Variants in PIGG observed in about 807,000 individuals in gnomAD.
PIGG encodes the protein GPI ethanolamine phosphate transferase 2, catalytic subunit.
In PIGG, 70 loss-of-function variants were observed where a neutral mutation model predicts 83.2. The ratio of observed to expected loss-of-function variants is 0.84; its 90% CI spans 0.69 to 1.03. The LOEUF is 1.03. Among genes scored for constraint, PIGG ranks in the 50% least tolerant of loss-of-function variants. The probability of loss-of-function intolerance (pLI) is 0.00; values close to 1 mark genes in which losing one functional copy is unlikely to be tolerated. For missense variants in PIGG, 1,257 were observed against 1,233.6 expected, an observed-to-expected ratio of 1.02 and a Z score of -0.28; for synonymous variants, 532 against 519.5, an observed-to-expected ratio of 1.02 and a Z score of -0.33.
chr4:505,955 C>G, intron 3 of PIGG, 28 bp downstream of exon 3: 1 of 1,436,158 alleles, frequency 7.0e-7, no homozygotes. Context: ...GAAAATATAT[C>G]ATACTAGAAT....
At chr4:518,984 T>C (rs557726103) in intron 6 of PIGG, among the ~76,000 whole-genome samples, 13 of 152,192 alleles carry the variant, frequency 8.5e-5, no homozygotes, top group Non-Finnish European at 1.8e-4. Flanking sequence ...TTGCACATGC[T>C]GTTCCCATCA....
At chr4:514,229 T>C (rs1723136436) in intron 5 of PIGG, among the ~76,000 whole-genome samples, 1 of 152,242 alleles carries the variant, frequency 6.6e-6, no homozygotes, top group Non-Finnish European at 1.5e-5. Context: ...AGCAGACCTC[T>C]AAAAGGTACG....
rs200555321 is a variant in PIGG, at chr4:505,938, A to C, written c.570+11A>C. The stretch of plus-strand genomic sequence containing the variant: ...TCAGATTACACAGAGGTCAGTTTTT[A>C]AAATAAGAAAATATATCATACTAGA... On this transcript the variant is annotated intron_variant, in intron 3 of 12. Coordinates refer to ENST00000453061, the MANE Select transcript of PIGG (RefSeq NM_001127178.3). 40 of 1,543,542 alleles carry C rather than the reference A, an allele frequency of 2.6e-5. No individual in the cohort carries two copies. The highest frequency in any genetic ancestry group is 3.4e-5 in the Non-Finnish European group (38 of 1,117,676).
intron 1 of PIGG, chr4:499,765 C>T (rs1265036585): frequency 7.7e-7 from 1 of 1,298,872 alleles, no homozygotes; most frequent in African/African-American, 1.5e-5. Context: ...CTCTCCACTT[C>T]TACTCGTCCA....
rs138876025 is a variant in PIGG at position 527,123 on chromosome 4, T to C, written c.2154T>C (p.Pro718=). ...TGCTGGTGCAGAGGGGGTGCTCCCC[T>C]GTGTCCAAGGCTGCCCTGGCGCTGG... ...VFVLVQRGCS[P]VSKAALALGL... The change falls in exon 10 of 13, where the codon CCT becomes CCC. Residue 718 remains proline, a synonymous_variant. Coordinates refer to ENST00000453061, the MANE Select transcript of PIGG (RefSeq NM_001127178.3). 1.5e-5 allele frequency: 25 copies of C among 1,614,064 alleles called. No homozygotes were observed. Among genetic ancestry groups the C allele is most frequent in the African/African-American group, 2.7e-5 (2 of 74,914 alleles).
intron 2 of PIGG, among the ~76,000 whole-genome samples, chr4:504,611 A>G (rs1718947466): frequency 6.6e-6 from 1 of 152,048 alleles, no homozygotes; most frequent in African/African-American, 2.4e-5. Flanking sequence ...GATAATTCAT[A>G]CTTGCATTTA....
intron 6 of PIGG, among the ~76,000 whole-genome samples, chr4:519,866 G>A (rs1725215270): frequency 1.1e-5 from 1 of 93,814 alleles, no homozygotes; most frequent in Non-Finnish European, 2.1e-5. Flanking sequence ...AGTGGGGTGG[G>A]CCTGCAGGCG....
At chr4:509,509 C>G (rs1277670180) in intron 5 of PIGG, among the ~76,000 whole-genome samples, 1 of 152,194 alleles carries the variant, frequency 6.6e-6, no homozygotes, top group South Asian at 2.1e-4. Context: ...GTCCTGTCGG[C>G]GGCTGCCTTC....
intron 7 of PIGG, 23 bp from the exon 8 acceptor site, chr4:521,637 A>T: frequency 6.2e-7 from 1 of 1,609,578 alleles, no homozygotes; most frequent in Non-Finnish European, 8.5e-7. Context: ...CAGTCTGTGG[A>T]TGCTGCTGTT....
intron 2 of PIGG, among the ~76,000 whole-genome samples, chr4:502,694 G>A (rs564191607): frequency 1.7e-4 from 26 of 152,184 alleles, no homozygotes; most frequent in Middle Eastern, 3.4e-3. Flanking sequence ...CTGTCTGCAC[G>A]CTTTCTGGGA....
At chr4:519,389 T>C (rs4504200) in intron 6 of PIGG, among the ~76,000 whole-genome samples, 26,977 of 152,128 alleles carry the variant, frequency 0.18, 3,079 homozygotes, top group African/African-American at 0.33. Context: ...CCCCATAGCT[T>C]TGTGACTCTC....
At chr4:531,942 G>A (rs1428133620) in intron 11 of PIGG, 1 of 152,320 alleles carries the variant, frequency 6.6e-6, no homozygotes, top group Non-Finnish European at 1.5e-5. Flanking sequence ...TGTAAACCAG[G>A]GATAGTGGTC....
intron 5 of PIGG, 148 bp downstream of exon 5, chr4:509,118 CTTTTGGGATCTGAAGTTACG>C: frequency 1.7e-6 from 1 of 603,550 alleles, no homozygotes; most frequent in Non-Finnish European, 2.9e-6. Flanking sequence ...GGGCAAAAGG[CTTTTGGGATCTGAAGTTACG>C]TTCCTTCCCG....
intron 2 of PIGG, among the ~76,000 whole-genome samples, chr4:504,038 G>A (rs1553877317): frequency 6.6e-6 from 1 of 152,142 alleles, no homozygotes; most frequent in Non-Finnish European, 1.5e-5. Context: ...ACAAATGTGT[G>A]TATCCAGGCA....
chr4:500,761 G>A (rs1717392625), intron 2 of PIGG, among the ~76,000 whole-genome samples, 160 bp downstream of exon 2: 1 of 152,184 alleles, frequency 6.6e-6, no homozygotes, highest in East Asian at 1.9e-4. Flanking sequence ...CCTCACACGG[G>A]ATGGAACTGA....
At position 500,444 on chromosome 4, in the gene PIGG, T is replaced by G. The variant is rs1553875032; in HGVS notation, c.203T>G (p.Val68Gly). 1 of 1,614,018 alleles carries G rather than the reference T, an allele frequency of 6.2e-7. No individual in the cohort carries two copies. The highest frequency in any genetic ancestry group is 2.2e-5 in the East Asian group (1 of 44,880). The change falls in exon 2 of 13, where the codon GTT becomes GGT. Residue 68 changes from valine (V) to glycine (G), a missense_variant. Transcript: ENST00000453061. ...CTGCCACCACCTCTCTTCAGTAAAG[T>G]TGTTATTGTTCTGATAGATGCCTTG... ...TTLPPPLFSKVVIVLIDALRD... is the reference protein window; with the variant it reads ...TTLPPPLFSKGVIVLIDALRD...
At chr4:534,603 G>A (rs1729933320) in intron 12 of PIGG, among the ~76,000 whole-genome samples, 1 of 152,240 alleles carries the variant, frequency 6.6e-6, no homozygotes. Context: ...CGTCTGGCCT[G>A]CCCTCCATGC....
At chr4:519,888 G>A (rs1255229850) in intron 6 of PIGG, among the ~76,000 whole-genome samples, 1 of 102,510 alleles carries the variant, frequency 9.8e-6, no homozygotes, top group South Asian at 4.3e-4. Context: ...GTGGGTTCAC[G>A]CTCAGGGACC....
At chr4:511,944 T>C (rs527364945) in intron 5 of PIGG, among the ~76,000 whole-genome samples, 1 of 152,350 alleles carries the variant, frequency 6.6e-6, no homozygotes, top group African/African-American at 2.4e-5. Flanking sequence ...TGGTTTCTGA[T>C]GAAAAGTCAA....
Sources: allele counts gnomAD v4.1 joint callset (sites outside exome capture counted in the v4.1 genomes callset), GRCh38; gene constraint gnomAD v4.1.1; transcripts MANE v1.5; gene names NCBI Gene and HGNC (gene_info 2026-07-23, HGNC 2026-07-21).